SLC49A4: variants seen among roughly 807,000 people sequenced by gnomAD.
SLC49A4 encodes disrupted in renal cancer protein 2.
In SLC49A4, 36 loss-of-function variants were observed where a neutral mutation model predicts 50.6. The ratio of observed to expected loss-of-function variants is 0.71; its 90% CI spans 0.55 to 0.94. The LOEUF (loss-of-function observed/expected upper bound fraction) is 0.94, where lower values mean the gene tolerates loss of function less well. Ranked by LOEUF, SLC49A4 falls within the 40% of genes least tolerant of loss-of-function variation. The probability of loss-of-function intolerance (pLI) is 0.00; values close to 1 mark genes in which losing one functional copy is unlikely to be tolerated. For synonymous variants in SLC49A4, 248 were observed against 241.2 expected (o/e 1.03, Z -0.26); for missense variants, 503 against 605.7 (o/e 0.83, Z 1.78).
chr3:122,866,450 G>T (rs1191091140), intron 7 of SLC49A4, among the ~76,000 whole-genome samples: 1 of 152,008 alleles, frequency 6.6e-6, no homozygotes, highest in Admixed American at 6.6e-5. Context: ...ATTTATCATT[G>T]AGTAAGTGAA....
At chr3:122,850,681 C>G (rs1290001071) in intron 5 of SLC49A4, among the ~76,000 whole-genome samples, 1 of 151,986 alleles carries the variant, frequency 6.6e-6, no homozygotes, top group Non-Finnish European at 1.5e-5. Flanking sequence ...CTAATTTTTT[C>G]AAGTTTTGTA....
At chr3:122,826,627 A>T (rs573824081) in intron 2 of SLC49A4, among the ~76,000 whole-genome samples, 173 bp from the exon 3 acceptor site, 1 of 152,314 alleles carries the variant, frequency 6.6e-6, no homozygotes, top group Admixed American at 6.5e-5. Context: ...CCTCATAGGG[A>T]GTCAACATAC....
chr3:122,818,257 A>G (rs1435507015), intron 2 of SLC49A4, among the ~76,000 whole-genome samples: 3 of 152,234 alleles, frequency 2.0e-5, no homozygotes, highest in Admixed American at 2.0e-4. Flanking sequence ...TTGATAGACC[A>G]TAAAATGACT....
At chr3:122,848,163 A>G (rs1346714107) in intron 5 of SLC49A4, among the ~76,000 whole-genome samples, 1 of 152,144 alleles carries the variant, frequency 6.6e-6, no homozygotes, top group African/African-American at 2.4e-5. Context: ...ATTTAAACCT[A>G]GAATTGATTT....
intron 4 of SLC49A4, among the ~76,000 whole-genome samples, chr3:122,838,907 C>T (rs1004539738): frequency 3.3e-5 from 5 of 151,866 alleles, no homozygotes; most frequent in African/African-American, 1.2e-4. Context: ...TCATATGTAA[C>T]CAAAAAAGAG....
intron 2 of SLC49A4, among the ~76,000 whole-genome samples, chr3:122,823,220 T>C (rs1936478108): frequency 2.0e-5 from 3 of 152,236 alleles, no homozygotes; most frequent in South Asian, 4.1e-4. Flanking sequence ...AAGAGTAGGC[T>C]GCATCCCTGC....
intron 7 of SLC49A4, among the ~76,000 whole-genome samples, chr3:122,864,072 T>C (rs1285699964): frequency 6.6e-6 from 1 of 152,168 alleles, no homozygotes; most frequent in Non-Finnish European, 1.5e-5. Flanking sequence ...ACTAAAATTT[T>C]CTATGGCAAT....
intron 3 of SLC49A4, among the ~76,000 whole-genome samples, chr3:122,831,345 GA>G (rs922907207): frequency 6.6e-6 from 1 of 151,992 alleles, no homozygotes; most frequent in Non-Finnish European, 1.5e-5. Context: ...TTATAATAGC[GA>G]AAAAGTGGAA....
chr3:122,806,587 G>A (rs944433430), intron 1 of SLC49A4, among the ~76,000 whole-genome samples: 84 of 151,992 alleles, frequency 5.5e-4, no homozygotes, highest in African/African-American at 1.8e-3. Flanking sequence ...TGTTGCCCAG[G>A]CTGGCCTCAA....
intron 4 of SLC49A4, among the ~76,000 whole-genome samples, chr3:122,834,933 A>T (rs1936658302): frequency 6.6e-6 from 1 of 152,204 alleles, no homozygotes; most frequent in Admixed American, 6.5e-5. Context: ...CTCTATGGAC[A>T]CAAACTAGAA....
chr3:122,831,852 A>C (rs907572129), intron 3 of SLC49A4, among the ~76,000 whole-genome samples: 3 of 152,080 alleles, frequency 2.0e-5, no homozygotes, highest in Non-Finnish European at 4.4e-5. Flanking sequence ...GCCAATATGC[A>C]TATTTTAGGT....
intron 4 of SLC49A4, 102 bp downstream of exon 4, chr3:122,833,548 T>C: frequency 9.0e-7 from 1 of 1,109,778 alleles, no homozygotes; most frequent in Non-Finnish European, 1.3e-6. Context: ...AGCAACCTAT[T>C]AATTAGGTTG....
At chr3:122,853,785 TGG>T (rs1420970552) in intron 5 of SLC49A4, among the ~76,000 whole-genome samples, 1 of 152,160 alleles carries the variant, frequency 6.6e-6, no homozygotes, top group African/African-American at 2.4e-5. Context: ...GATATTGATT[TGG>T]CAGATCTGTG....
At chr3:122,849,299 A>G (rs1936894620) in intron 5 of SLC49A4, among the ~76,000 whole-genome samples, 1 of 152,160 alleles carries the variant, frequency 6.6e-6, no homozygotes, top group South Asian at 2.1e-4. Context: ...GATTTTATAT[A>G]CTGATTTTTA....
At chr3:122,819,599 T>C (rs568369631) in intron 2 of SLC49A4, among the ~76,000 whole-genome samples, 1 of 152,264 alleles carries the variant, frequency 6.6e-6, no homozygotes, top group South Asian at 2.1e-4. Flanking sequence ...ATAAAATAGA[T>C]TTTTGTGAAA....
chr3:122,824,754 A>T (rs1936503444), intron 2 of SLC49A4, among the ~76,000 whole-genome samples: 2 of 84,902 alleles, frequency 2.4e-5, no homozygotes, highest in Admixed American at 1.8e-4. Context: ...TTTTTTTGAG[A>T]CAAAATCTTG....
intron 5 of SLC49A4, among the ~76,000 whole-genome samples, chr3:122,855,661 G>C (rs1936979105): frequency 6.6e-6 from 1 of 152,172 alleles, no homozygotes; most frequent in African/African-American, 2.4e-5. Context: ...CGCCTCATCA[G>C]TTAGTAATAA....
chr3:122,833,930 G>T (rs1487078160), intron 4 of SLC49A4, among the ~76,000 whole-genome samples: 3 of 152,038 alleles, frequency 2.0e-5, no homozygotes, highest in Non-Finnish European at 4.4e-5. Context: ...TTTTCTGTAC[G>T]AGCAGTAGGA....
intron 4 of SLC49A4, among the ~76,000 whole-genome samples, chr3:122,835,720 CTTCAG>C (rs1307172592): frequency 6.6e-6 from 1 of 152,160 alleles, no homozygotes; most frequent in East Asian, 1.9e-4. Flanking sequence ...ACATTCACCA[CTTCAG>C]TTCGAAAGTA....
Sources: gnomAD v4.1 joint callset for allele counts (sites outside exome capture counted in the v4.1 genomes callset) on GRCh38, gnomAD v4.1.1 for gene constraint, MANE v1.5 for transcripts, NCBI Gene and HGNC (gene_info 2026-07-23, HGNC 2026-07-21) for gene names.